DNAH12: variants seen among roughly 807,000 people sequenced by gnomAD.
DNAH12 encodes the protein dynein axonemal heavy chain 12.
In DNAH12, 285 loss-of-function variants were observed where a neutral mutation model predicts 371.5. That is an observed-to-expected ratio of 0.77 (90% CI 0.70 to 0.85). The LOEUF (loss-of-function observed/expected upper bound fraction) is 0.85, where lower values mean the gene tolerates loss of function less well. Ranked by LOEUF, DNAH12 falls within the 40% of genes least tolerant of loss-of-function variation. The pLI is 0.00. For synonymous variants in DNAH12, 1,200 were observed against 1,213.0 expected (o/e 0.99, Z 0.22); for missense variants, 3,611 against 3,689.4 (o/e 0.98, Z 0.55).
intron 69 of DNAH12, among the ~76,000 whole-genome samples, chr3:57,307,776 T>C (rs1575428392): frequency 6.6e-6 from 1 of 152,124 alleles, no homozygotes; most frequent in African/African-American, 2.4e-5. Context: ...CCCATAACTG[T>C]ATCTCTCTGA....
At chr3:57,421,900 GT>G (rs1341967880) in intron 35 of DNAH12, among the ~76,000 whole-genome samples, 194 bp from the exon 36 acceptor site, 1 of 97,704 alleles carries the variant, frequency 1.0e-5, no homozygotes, top group East Asian at 2.0e-4. Flanking sequence ...ATGTTTGCAT[GT>G]CTTTTTTTTT....
chr3:57,350,968 A>G (rs1164785193), intron 60 of DNAH12, among the ~76,000 whole-genome samples: 1 of 152,104 alleles, frequency 6.6e-6, no homozygotes, highest in Non-Finnish European at 1.5e-5. Context: ...TTTTTTAACA[A>G]CAATATAAAA....
chr3:57,496,937 A>G (rs1465215866), intron 11 of DNAH12, among the ~76,000 whole-genome samples: 3 of 152,132 alleles, frequency 2.0e-5, no homozygotes, highest in African/African-American at 7.2e-5. Context: ...CCATTGCACT[A>G]CAGCCTAGGC....
At chr3:57,348,066 G>C (rs1291404001) in intron 60 of DNAH12, among the ~76,000 whole-genome samples, 1 of 152,152 alleles carries the variant, frequency 6.6e-6, no homozygotes, top group Non-Finnish European at 1.5e-5. Context: ...ACTTACACAT[G>C]AATGTTTGTA....
intron 43 of DNAH12, among the ~76,000 whole-genome samples, chr3:57,401,810 G>A (rs2063877407): frequency 6.6e-6 from 1 of 152,020 alleles, no homozygotes; most frequent in Non-Finnish European, 1.5e-5. Context: ...AGCACACTCT[G>A]GTAGCACAAC....
At chr3:57,508,216 C>CA (rs1354881705) in intron 7 of DNAH12, among the ~76,000 whole-genome samples, 166 bp downstream of exon 7, 5 of 140,338 alleles carry the variant, frequency 3.6e-5, no homozygotes, top group East Asian at 2.1e-4. Flanking sequence ...AAAAAAAAAC[C>CA]AAAAAAAACC....
At position 57,433,765 on chromosome 3, in the gene DNAH12, C is replaced by A. The variant is rs201719583; in HGVS notation, c.4719G>T (p.Thr1573=). 1.3e-6 allele frequency: 2 copies of A among 1,551,084 alleles called. No individual in the cohort carries two copies. The highest frequency in any genetic ancestry group is 4.9e-5 in the East Asian group (2 of 40,888). Residue 1573 remains threonine, a synonymous_variant, in exon 31 of 74, where the codon ACG becomes ACT. Coordinates refer to ENST00000495027, the MANE Select transcript of DNAH12 (RefSeq NM_001366028.2). ...KTKVLHVLAD[T]LTLMNEHGYG... is the part of the protein sequence containing the mutation. ...AGCCATGTTCATTCATTAAAGTTAG[C>A]GTATCCGCCAGCACATGCAGAACTT...
At chr3:57,475,033 C>T (rs1019978699) in intron 13 of DNAH12, among the ~76,000 whole-genome samples, 4 of 150,710 alleles carry the variant, frequency 2.7e-5, no homozygotes, top group African/African-American at 7.3e-5. Flanking sequence ...TACACATATA[C>T]GGACACAGTG....
rs372276216 is a variant in DNAH12, at chr3:57,293,787, A to T, written c.11877T>A (p.Asp3959Glu). ...KRGVALLCQL[D>E]D ...TTTTATAAATTTGTCCAATTTAGTC[A>T]TCCAACTGACAAAGCAAAGCAACCC... The change falls in exon 74 of 74, where the codon GAT becomes GAA. Residue 3959 changes from aspartate to glutamate, a missense_variant. Asp to Glu is a conservative substitution (Grantham distance 45). Coordinates refer to ENST00000495027, the MANE Select transcript of DNAH12 (RefSeq NM_001366028.2). 6.6e-5 allele frequency: 102 copies of T among 1,548,818 alleles called. 1 individual carries two copies. Among genetic ancestry groups the T allele is most frequent in the Middle Eastern group, 3.3e-4 (2 of 6,006 alleles).
chr3:57,516,780 T>C (rs775220655), intron 4 of DNAH12, among the ~76,000 whole-genome samples: 89 of 152,290 alleles, frequency 5.8e-4, no homozygotes, highest in Middle Eastern at 3.4e-3. Flanking sequence ...GTGGCCTTTT[T>C]CATATAATTG....
intron 59 of DNAH12, among the ~76,000 whole-genome samples, chr3:57,354,232 A>G (rs1041353317): frequency 4.6e-5 from 7 of 152,214 alleles, no homozygotes; most frequent in Non-Finnish European, 8.8e-5. Context: ...GGAGACCATT[A>G]TCCTAAGCAA....
intron 23 of DNAH12, among the ~76,000 whole-genome samples, chr3:57,453,629 G>A (rs6445882): frequency 0.66 from 99,390 of 151,342 alleles, 32,956 homozygotes; most frequent in South Asian, 0.75. Flanking sequence ...CCCAGGCTGC[G>A]GTGGTGGGAT....
chr3:57,332,105 C>G (rs1186982138), intron 62 of DNAH12, among the ~76,000 whole-genome samples: 1 of 152,180 alleles, frequency 6.6e-6, no homozygotes, highest in Admixed American at 6.5e-5. Flanking sequence ...TAGTCTTGAA[C>G]AAAGTCTTCC....
In DNAH12 at chr3:57,326,209, T is replaced by C. The variant is rs371714896; in HGVS notation, c.9979-2590A>G. Among the ~76,000 whole-genome samples the C allele has an allele frequency of 1.0e-3, 157 of 151,484 alleles. 1 individual carries two copies. The highest frequency in any genetic ancestry group is 1.5e-3 in the Non-Finnish European group (99 of 67,858). On this transcript the variant is annotated intron_variant, in intron 62 of 73. Transcript: ENST00000495027. ...ATTCAGATTCAGGAAATACAGAGAATGCCACAAAGATACTCCTCGAGAAGA... is the reference window on the plus strand; with the variant it reads ...ATTCAGATTCAGGAAATACAGAGAACGCCACAAAGATACTCCTCGAGAAGA...
intron 12 of DNAH12, among the ~76,000 whole-genome samples, chr3:57,488,162 C>A (rs962498013): frequency 2.6e-5 from 4 of 151,872 alleles, no homozygotes; most frequent in Non-Finnish European, 5.9e-5. Context: ...ATTAGTCCTG[C>A]GAGGAAGGTA....
chr3:57,476,286 C>T (rs1244638464), intron 13 of DNAH12, among the ~76,000 whole-genome samples: 1 of 152,036 alleles, frequency 6.6e-6, no homozygotes, highest in East Asian at 1.9e-4. Flanking sequence ...TCAGAATAGG[C>T]CAGGCGCAGT....
intron 4 of DNAH12, among the ~76,000 whole-genome samples, chr3:57,517,032 G>C (rs923619320): frequency 9.9e-5 from 15 of 152,086 alleles, no homozygotes; most frequent in African/African-American, 3.6e-4. Context: ...TCCTTCAGGT[G>C]ACTTAAACTT....
At position 57,413,679 on chromosome 3, in the gene DNAH12, T is replaced by C. The variant is rs1347531024; in HGVS notation, c.6020+67A>G. 4 of 1,459,782 alleles carry C rather than the reference T, an allele frequency of 2.7e-6. No homozygotes were observed. In the African/African-American group the frequency reaches 5.8e-5, roughly 21 times the overall value. The allele number at this position is 1,459,782 out of a possible 1,614,324, so 90.4% of individuals were successfully genotyped here. On this transcript the variant is annotated intron_variant, in intron 39 of 73. Transcript: ENST00000495027. ...AAATATCTTGAAAAATGTATTATTT[T>C]ACTTTAAAAACCTAAAATAAAAACT...
rs1375720798 is a variant in DNAH12 at position 57,301,925 on chromosome 3, A to G, written c.11204T>C (p.Ile3735Thr). ...TTCAAGGTCCCGTAGAGTGTTACGTATAGTTATAATTAAACTGCAATGAAA... is the reference window on the plus strand; with the variant it reads ...TTCAAGGTCCCGTAGAGTGTTACGTGTAGTTATAATTAAACTGCAATGAAA... The part of the protein sequence containing the change: ...MERFNNLIIT[I>T]RNTLRDLEKA... The change falls in exon 70 of 74, where the codon ATA becomes ACA. Residue 3735 changes from isoleucine (I) to threonine (T), a missense_variant. This residue lies in a region of DNAH12 where 2,266 missense variants were observed against 2,236.9 expected (regional missense o/e 1.01). Transcript: ENST00000495027. The G allele has an allele frequency of 1.9e-6, 3 of 1,551,448 alleles. No homozygotes were observed. The highest frequency in any genetic ancestry group is 2.4e-5 in the South Asian group (2 of 84,044).
Sources: gnomAD v4.1 joint callset for allele counts (sites outside exome capture counted in the v4.1 genomes callset) on GRCh38, gnomAD v4.1.1 for gene constraint, gnomAD v4.1.1 regional missense constraint, MANE v1.5 for transcripts, NCBI Gene and HGNC (gene_info 2026-07-23, HGNC 2026-07-21) for gene names.